The following DNMBP variants were observed in gnomAD, a reference collection of about 807,000 sequenced individuals.
The protein encoded by DNMBP is dynamin binding protein, also known as dynamin-binding protein.
Under a neutral mutation model 150.0 loss-of-function variants are expected in DNMBP, and 87 were observed. The observed-to-expected ratio is 0.58, with a 90% CI of 0.49 to 0.69. DNMBP has a LOEUF of 0.69. Ranked by LOEUF, DNMBP falls within the 30% of genes least tolerant of loss-of-function variation. DNMBP has a pLI of 0.00. For synonymous variants in DNMBP, 711 were observed against 750.4 expected (o/e 0.95, Z 0.86); for missense variants, 1,774 against 1,949.0 (o/e 0.91, Z 1.69).
At chr10:99,986,828 A>C (rs1337377805) in intron 1 of DNMBP, among the ~76,000 whole-genome samples, 1 of 152,070 alleles carries the variant, frequency 6.6e-6, no homozygotes, top group Non-Finnish European at 1.5e-5. Context: ...ACTCATCCCA[A>C]AATTCAACAG....
intron 4 of DNMBP, among the ~76,000 whole-genome samples, chr10:99,915,504 C>T (rs1406075776): frequency 2.7e-5 from 4 of 150,898 alleles, no homozygotes; most frequent in Non-Finnish European, 5.9e-5. Flanking sequence ...ACCAGGAGTT[C>T]GAGACCAGCC....
At chr10:99,953,418 A>C (rs1037475627) in intron 4 of DNMBP, among the ~76,000 whole-genome samples, 1 of 152,126 alleles carries the variant, frequency 6.6e-6, no homozygotes, top group Non-Finnish European at 1.5e-5. Context: ...TTCCTCATCT[A>C]TAGAGTAGCC....
chr10:99,900,172 T>TA lies in DNMBP; in HGVS notation c.2555-107dup, dbSNP rs1444522323. The TA allele has an allele frequency of 9.1e-6, 10 of 1,093,066 alleles. No homozygotes were observed. In the East Asian group the frequency reaches 2.1e-4, roughly 23 times the overall value. 67.7% of individuals were successfully genotyped at this position (1,093,066 alleles called of 1,614,324 possible). A position where few individuals can be genotyped will look rare whatever the true frequency, so the allele number is the denominator to read the frequency against. ...TTAGTACCAGCTAAATCCTACCTAT[T>TA]ACAAGAAATGATACTAAGACTATCC... On this transcript the variant is annotated intron_variant, in intron 6 of 16. Transcript: ENST00000324109.
intron 9 of DNMBP, 77 bp downstream of exon 9, chr10:99,898,009 C>T (rs757789395): frequency 2.6e-5 from 34 of 1,307,064 alleles, no homozygotes; most frequent in Middle Eastern, 1.8e-4. Context: ...CCAACTCTAG[C>T]GAAGTAATGA....
Position 99,956,575 on chromosome 10 carries a change from CA to C in DNMBP, c.898del (p.Cys300ValfsTer33). 6.2e-7 allele frequency: 1 copy of C among 1,614,168 alleles called. No individual in the cohort carries two copies. Among genetic ancestry groups the C allele is most frequent in the Non-Finnish European group, 8.5e-7 (1 of 1,180,010 alleles). On this transcript the variant is annotated frameshift_variant, in exon 4 of 17. Transcript: ENST00000324109. LOFTEE classifies it high-confidence loss of function. ...GIFPYRFVKL[C>X]PDTRVEETMA... ...GGTTTCCTCCACCCGTGTGTCAGGA[CA>C]TAATTTCACAAACCGGTAAGGAAAG... is the stretch of plus-strand genomic sequence containing the variant.
intron 4 of DNMBP, among the ~76,000 whole-genome samples, chr10:99,917,908 G>A (rs1485573158): frequency 6.8e-6 from 1 of 147,558 alleles, no homozygotes; most frequent in Non-Finnish European, 1.5e-5. Context: ...AGCAGAGGTT[G>A]CATTGAGCCA....
Position 99,908,799 on chromosome 10 carries a change from G to GT in DNMBP, c.2454+153dup, listed in dbSNP as rs145211183. On this transcript the variant is annotated intron_variant, in intron 5 of 16. Transcript: ENST00000324109. ...GCTGAAGGCTTAGCTGATGACACAC[G>GT]TATGTTGAGGCCCTTGATTAAGAGC... Among the ~76,000 whole-genome samples, 660 of 152,294 alleles carry GT rather than the reference G, an allele frequency of 4.3e-3. 7 individuals carry two copies. The highest frequency in any genetic ancestry group is 0.015 in the African/African-American group (621 of 41,552).
intron 11 of DNMBP, among the ~76,000 whole-genome samples, chr10:99,892,376 A>G (rs1590215927): frequency 7.0e-6 from 1 of 142,648 alleles, no homozygotes; most frequent in Admixed American, 7.0e-5. Flanking sequence ...TGTAGAAAGA[A>G]GTAGACATGG....
intron 4 of DNMBP, among the ~76,000 whole-genome samples, chr10:99,936,175 AGAGT>A (rs545871674): frequency 1.1e-3 from 175 of 152,356 alleles, no homozygotes; most frequent in Non-Finnish European, 2.0e-3. Flanking sequence ...TGATAAAATT[AGAGT>A]AATTTTTTCA....
At chr10:99,903,319 C>A (rs550236146) in intron 6 of DNMBP, among the ~76,000 whole-genome samples, 1 of 151,862 alleles carries the variant, frequency 6.6e-6, no homozygotes. Flanking sequence ...TTCATCTTCA[C>A]GGCCACTTTT....
chr10:99,888,941 C>T lies in DNMBP; in HGVS notation c.3169G>A (p.Val1057Met). 1 of 1,614,190 alleles carries T rather than the reference C, an allele frequency of 6.2e-7. No homozygotes were observed. The highest frequency in any genetic ancestry group is 8.5e-7 in the Non-Finnish European group (1 of 1,180,020). The change falls in exon 12 of 17, where the codon GTG (valine) becomes ATG (methionine). Residue 1057 changes from valine to methionine, a missense_variant. Val to Met is a conservative substitution (Grantham distance 21). Coordinates refer to ENST00000324109, the MANE Select transcript of DNMBP (RefSeq NM_015221.4). ...YLQHIRESACVKVVAAVSMWD... is the reference protein window; with the variant it reads ...YLQHIRESACMKVVAAVSMWD... Reference sequence around the variant, plus strand: ...ATGCTCACAGCAGCCACCACTTTCACACATGCGGACTCCTGGAGCCAGTTA... The same window carrying T: ...ATGCTCACAGCAGCCACCACTTTCATACATGCGGACTCCTGGAGCCAGTTA...
At chr10:99,996,822 A>G (rs2040955783) in intron 1 of DNMBP, among the ~76,000 whole-genome samples, 1 of 152,220 alleles carries the variant, frequency 6.6e-6, no homozygotes, top group South Asian at 2.1e-4. Flanking sequence ...TTTTCACTTT[A>G]ATACTGGCTC....
chr10:99,899,435 C>T (rs2039706022), intron 7 of DNMBP, among the ~76,000 whole-genome samples: 1 of 152,008 alleles, frequency 6.6e-6, no homozygotes, highest in South Asian at 2.1e-4. Flanking sequence ...AACCCCATCT[C>T]CACTAAAAAT....
At position 99,955,278 on chromosome 10, in the gene DNMBP, G is replaced by A. The variant is rs116479305; in HGVS notation, c.2196C>T (p.Leu732=). The change falls in exon 4 of 17, where the codon CTC becomes CTT. Residue 732 remains leucine (L), a synonymous_variant. Transcript: ENST00000324109. ...TACTTTCACAGAACTTGAGATCCTCGAGGGTCTCTGCTCTTGATGATTCAT... is the reference window on the plus strand; with the variant it reads ...TACTTTCACAGAACTTGAGATCCTCAAGGGTCTCTGCTCTTGATGATTCAT... ...KQDESSRAET[L]EDLKFCESNI... 1.1e-5 allele frequency: 18 copies of A among 1,614,010 alleles called. No homozygotes were observed. Among genetic ancestry groups the A allele is most frequent in the Middle Eastern group, 1.6e-4 (1 of 6,062 alleles).
rs11816906 is a variant in DNMBP, at chr10:99,996,060, T to C, written c.-11+13778A>G. ...GCTATTTTTATTGTTAGCTGATCAC[T>C]GCAGGGAAAACAATCAGTAAACTAG... On this transcript the variant is annotated intron_variant, in intron 1 of 16. Coordinates refer to ENST00000324109, the MANE Select transcript of DNMBP (RefSeq NM_015221.4). Among the ~76,000 whole-genome samples, 1,009 of 152,358 alleles carry C rather than the reference T, an allele frequency of 6.6e-3. 10 individuals are homozygous for C. The highest frequency in any genetic ancestry group is 0.023 in the African/African-American group (968 of 41,576).
At chr10:99,954,695 G>A (rs2040462718) in intron 4 of DNMBP, among the ~76,000 whole-genome samples, 1 of 149,226 alleles carries the variant, frequency 6.7e-6, no homozygotes, top group African/African-American at 2.5e-5. Context: ...GGTAAGCCAA[G>A]GTCGCGCCAT....
At chr10:99,891,196 C>G (rs61872199) in intron 11 of DNMBP, among the ~76,000 whole-genome samples, 19,993 of 143,358 alleles carry the variant, frequency 0.14, 2,438 homozygotes, top group African/African-American at 0.33. Flanking sequence ...CTCTCCCCAC[C>G]GTCTCCCTCT....
intron 4 of DNMBP, among the ~76,000 whole-genome samples, chr10:99,925,780 C>T (rs756929375): frequency 1.1e-4 from 16 of 152,226 alleles, no homozygotes; most frequent in Non-Finnish European, 1.8e-4. Context: ...CATACACATA[C>T]ACAAAGTATT....
intron 4 of DNMBP, among the ~76,000 whole-genome samples, chr10:99,924,167 G>A (rs1432060879): frequency 3.3e-5 from 5 of 151,760 alleles, no homozygotes; most frequent in African/African-American, 4.8e-5. Context: ...TGCGGTGGCG[G>A]TAGCTCACAC....
Sources: allele counts gnomAD v4.1 joint callset (sites outside exome capture counted in the v4.1 genomes callset), GRCh38; gene constraint gnomAD v4.1.1; transcripts MANE v1.5; gene names NCBI Gene and HGNC (gene_info 2026-07-23, HGNC 2026-07-21).